The following MTCL1 variants were observed in gnomAD, a reference collection of about 807,000 sequenced individuals.
MTCL1 encodes microtubule crosslinking factor 1, also known as microtubule cross-linking factor 1.
A neutral mutation model predicts 141.4 loss-of-function variants in MTCL1; 79 were observed. That is an observed-to-expected ratio of 0.56 (90% CI 0.47 to 0.67). The LOEUF is 0.67. Ranked by LOEUF, MTCL1 falls within the 30% of genes least tolerant of loss-of-function variation. MTCL1 has a pLI of 0.00. For missense variants in MTCL1, 2,177 were observed against 2,113.9 expected (o/e 1.03, Z -0.59); for synonymous variants, 914 against 875.8 (o/e 1.04, Z -0.77).
chr18:8,764,665 T>G (rs2096450997), intron 4 of MTCL1, among the ~76,000 whole-genome samples: 1 of 152,102 alleles, frequency 6.6e-6, no homozygotes, highest in South Asian at 2.1e-4. Flanking sequence ...GACCACAGGC[T>G]GGCTCGATAT....
At position 8,813,109 on chromosome 18, in the gene MTCL1, G is replaced by A. The variant is rs201566176; in HGVS notation, c.2735G>A (p.Arg912His). The A allele has an allele frequency of 1.2e-5, 20 of 1,614,194 alleles. No individual in the cohort carries two copies. Among genetic ancestry groups the A allele is most frequent in the Admixed American group, 1.0e-4 (6 of 60,024 alleles). Residue 912 changes from arginine (R) to histidine (H), a missense_variant, in exon 12 of 17, where the codon CGC (arginine) becomes CAC (histidine). Coordinates refer to ENST00000359865, the Ensembl canonical transcript of MTCL1. ...AGTCACAGCCTGGTCATGGACCTGC[G>A]CTGGCAGATCCATCACAGCGAGAAG...
intron 4 of MTCL1, among the ~76,000 whole-genome samples, chr18:8,767,931 A>T (rs1450180525): frequency 2.6e-5 from 4 of 152,230 alleles, no homozygotes; most frequent in African/African-American, 9.6e-5. Flanking sequence ...GATGATATTA[A>T]GTATATATTT....
In MTCL1 at chr18:8,779,565, C is replaced by G. The variant is rs904205710; in HGVS notation, c.417+1673C>G. 2.0e-5 allele frequency among the ~76,000 whole-genome samples: 3 copies of G among 152,290 alleles called. No homozygotes were observed. The highest frequency in any genetic ancestry group is 2.0e-4 in the Admixed American group (3 of 15,304). On this transcript the variant is annotated intron_variant, in intron 5 of 16. Coordinates refer to ENST00000359865, the Ensembl canonical transcript of MTCL1. The surrounding 1 kb of genome is among the most constrained non-coding windows in gnomAD (Gnocchi z 4.1). ...ACTCAGAACAGGCCGAGCTCAGCTT[C>G]CCTCAGGCCGCCCCTCTCCTGTACA... is the stretch of plus-strand genomic sequence containing the variant.
intron 4 of MTCL1, among the ~76,000 whole-genome samples, chr18:8,762,609 TTGA>T (rs1346175497): frequency 6.6e-6 from 1 of 152,178 alleles, no homozygotes; most frequent in African/African-American, 2.4e-5. Flanking sequence ...AGGACGGAAA[TTGA>T]TGATGACTTC....
exon 8 of MTCL1, chr18:8,793,057 G>C: frequency 6.2e-7 from 1 of 1,614,186 alleles, no homozygotes; most frequent in African/African-American, 1.3e-5. Context: ...TACAGGGTCA[G>C]CTCGTGCAGG....
chr18:8,728,329 C>T (rs964325075), intron 4 of MTCL1, among the ~76,000 whole-genome samples: 1 of 152,022 alleles, frequency 6.6e-6, no homozygotes, highest in Non-Finnish European at 1.5e-5. Flanking sequence ...GTATTGCTTT[C>T]ATTTCATATT....
chr18:8,829,821 A>G (rs745812565), intron 16 of MTCL1: 621 of 985,244 alleles, frequency 6.3e-4, no homozygotes, highest in Non-Finnish European at 7.3e-4. Flanking sequence ...TTCTCGGGAA[A>G]GCGCAGCATC....
At chr18:8,719,846 A>G (rs2096156404) in intron 3 of MTCL1, among the ~76,000 whole-genome samples, 1 of 152,204 alleles carries the variant, frequency 6.6e-6, no homozygotes, top group Non-Finnish European at 1.5e-5. Context: ...CTGGGATTAC[A>G]GGCAACTTAC....
At chr18:8,780,768 C>T (rs1355779188) in intron 5 of MTCL1, among the ~76,000 whole-genome samples, 4 of 152,138 alleles carry the variant, frequency 2.6e-5, no homozygotes, top group Non-Finnish European at 5.9e-5. Flanking sequence ...TGAAAAGGTG[C>T]TTGTGTTTGC....
intron 4 of MTCL1, among the ~76,000 whole-genome samples, chr18:8,745,438 T>C (rs1192306862): frequency 2.6e-5 from 4 of 152,212 alleles, no homozygotes; most frequent in African/African-American, 9.6e-5. Flanking sequence ...GCGGTATGCT[T>C]GTGACATTCT....
At chr18:8,706,463 C>G in exon 1 of MTCL1, 1 of 1,258,596 alleles carries the variant, frequency 7.9e-7, no homozygotes, top group African/African-American at 1.6e-5. Context: ...GAGCCCCCAG[C>G]GCTCCTCGCC....
chr18:8,726,494 A>C (rs567897128), intron 4 of MTCL1, among the ~76,000 whole-genome samples: 7,871 of 128,286 alleles, frequency 0.061, 267 homozygotes, highest in Middle Eastern at 0.13. Context: ...AGAGAGAGAG[A>C]GCGCGCGCGC....
exon 7 of MTCL1, chr18:8,786,034 C>T (rs930431687): frequency 2.4e-5 from 39 of 1,605,702 alleles, no homozygotes; most frequent in Non-Finnish European, 3.0e-5. Context: ...TGCACCGCCG[C>T]GCAGACGGGG....
chr18:8,738,564 C>T (rs376801642), intron 4 of MTCL1, among the ~76,000 whole-genome samples: 9 of 152,276 alleles, frequency 5.9e-5, no homozygotes, highest in African/African-American at 1.7e-4. Context: ...ATATGATTAG[C>T]GGAGAACAAA....
exon 8 of MTCL1, chr18:8,793,012 C>T (rs570558635): frequency 1.1e-5 from 17 of 1,613,856 alleles, no homozygotes; most frequent in South Asian, 6.6e-5. Flanking sequence ...GGGGCCCCCC[C>T]GTTTTACCTG....
At chr18:8,773,094 A>C (rs2096491524) in intron 4 of MTCL1, among the ~76,000 whole-genome samples, 1 of 152,182 alleles carries the variant, frequency 6.6e-6, no homozygotes, top group African/African-American at 2.4e-5. Context: ...ATACCTCCAT[A>C]GTACTCACTC....
intron 1 of MTCL1, among the ~76,000 whole-genome samples, chr18:8,709,200 G>GT (rs34472352): frequency 0.33 from 49,709 of 150,516 alleles, 9,866 homozygotes; most frequent in Non-Finnish European, 0.44. Context: ...GTTTTTTGTG[G>GT]TTTTTTTTTG....
At chr18:8,735,062 A>G (rs1039063565) in intron 4 of MTCL1, among the ~76,000 whole-genome samples, 2 of 152,226 alleles carry the variant, frequency 1.3e-5, no homozygotes, top group Admixed American at 6.5e-5. Context: ...ATCAAAGCCA[A>G]GGCCCCAATT....
At chr18:8,754,237 A>G (rs1189536091) in intron 4 of MTCL1, among the ~76,000 whole-genome samples, 1 of 152,004 alleles carries the variant, frequency 6.6e-6, no homozygotes, top group Non-Finnish European at 1.5e-5. Flanking sequence ...CGCCTGGCTA[A>G]TTTTTGTAAT....
Sources: gnomAD v4.1 joint callset for allele counts (sites outside exome capture counted in the v4.1 genomes callset) on GRCh38, gnomAD v4.1.1 for gene constraint, Gnocchi (gnomAD v3.1) non-coding constraint, MANE v1.5 for transcripts, NCBI Gene and HGNC (gene_info 2026-07-23, HGNC 2026-07-21) for gene names.